The following CRYBG2 variants were observed in gnomAD, a reference collection of about 807,000 sequenced individuals.
CRYBG2 encodes crystallin beta-gamma domain containing 2, also known as beta/gamma crystallin domain-containing protein 2.
Under a neutral mutation model 153.4 loss-of-function variants are expected in CRYBG2, and 106 were observed. That is an observed-to-expected ratio of 0.69 (90% CI 0.59 to 0.81). The LOEUF (loss-of-function observed/expected upper bound fraction) is 0.81. Ranked by LOEUF, CRYBG2 falls within the 30% of genes least tolerant of loss-of-function variation. The probability of loss-of-function intolerance (pLI) is 0.00; values close to 1 mark genes in which losing one functional copy is unlikely to be tolerated. For synonymous variants in CRYBG2, 851 were observed against 877.8 expected (o/e 0.97, Z 0.54); for missense variants, 1,996 against 2,112.0 (o/e 0.95, Z 1.08).
rs1222066120 is a variant in CRYBG2 at position 26,336,630 on chromosome 1, G to A, written c.4014C>T (p.Leu1338=). The part of the protein sequence containing the change: ...CEDWGAGNST[L]ASLQPVLQVG... The stretch of plus-strand genomic sequence containing the variant: ...CCTGTAGGACCGGCTGCAGCGAGGC[G>A]AGGGTGCTGTTGCCAGCGCCCCAGT... The change falls in exon 12 of 20, where the codon CTC becomes CTT. Residue 1338 remains leucine, a synonymous_variant. Transcript: ENST00000308182. This position sits in a 1 kb window ranked among gnomAD's most constrained non-coding sequence, Gnocchi z 4.9. The A allele has an allele frequency of 6.5e-7, 1 of 1,550,072 alleles. No individual in the cohort carries two copies. The highest frequency in any genetic ancestry group is 8.7e-7 in the Non-Finnish European group (1 of 1,146,760).
Position 26,324,500 on chromosome 1 carries a change from TCTCTCA to T in CRYBG2, c.4579-196_4579-191del, listed in dbSNP as rs764497986. Among the ~76,000 whole-genome samples, 316 of 64,740 alleles carry T rather than the reference TCTCTCA, an allele frequency of 4.9e-3. 2 individuals are homozygous for T. The highest frequency in any genetic ancestry group is 2.3e-3 in the Non-Finnish European group (59 of 25,114). 42.5% of individuals were successfully genotyped at this position (64,740 alleles called of 152,430 possible). A position where few individuals can be genotyped will look rare whatever the true frequency, so the allele number is the denominator to read the frequency against. Reference sequence around the variant, plus strand: ...TACGGAGAGCACATGTATCTCTCTCTCTCTCACACACACACACACACACACACACAC... The same window carrying T: ...TACGGAGAGCACATGTATCTCTCTCTCACACACACACACACACACACACAC... On this transcript the variant is annotated intron_variant, in intron 17 of 19. Transcript: ENST00000308182.
intron 1 of CRYBG2, among the ~76,000 whole-genome samples, chr1:26,352,641 C>A (rs1162026699): frequency 6.6e-6 from 1 of 151,952 alleles, no homozygotes; most frequent in Non-Finnish European, 1.5e-5. Flanking sequence ...GTCACCTGCC[C>A]CCCACTCTAA....
chr1:26,326,736 C>T, intron 17 of CRYBG2: 2 of 401,788 alleles, frequency 5.0e-6, no homozygotes, highest in Non-Finnish European at 1.0e-5. Flanking sequence ...GGTACAGCCT[C>T]TAACAAAACT....
At chr1:26,327,504 C>G (rs970766000) in intron 17 of CRYBG2, among the ~76,000 whole-genome samples, 1 of 151,946 alleles carries the variant, frequency 6.6e-6, no homozygotes, top group Non-Finnish European at 1.5e-5. Flanking sequence ...CAAAAATTAG[C>G]CAGATGTGGT....
In CRYBG2 at chr1:26,350,820, G is replaced by A. The variant is rs1161529332; in HGVS notation, c.-56+3216C>T. 3.9e-5 allele frequency among the ~76,000 whole-genome samples: 6 copies of A among 152,026 alleles called. No homozygotes were observed. In the South Asian group the frequency reaches 1.2e-3, roughly 32 times the overall value. ...CGAGTCTTTGGGCCTTCTCCATGAG[G>A]TACCCTCCCCTCCCCAAGAGACCTG... On this transcript the variant is annotated intron_variant, in intron 1 of 19. Coordinates refer to ENST00000308182, the MANE Select transcript of CRYBG2 (RefSeq NM_001039775.4).
chr1:26,336,913 C>G lies in CRYBG2; in HGVS notation c.3839G>C (p.Ser1280Thr). 1 of 1,612,620 alleles carries G rather than the reference C, an allele frequency of 6.2e-7. No individual in the cohort carries two copies. Among genetic ancestry groups the G allele is most frequent in the Middle Eastern group, 1.7e-4 (1 of 6,044 alleles). Reference protein sequence around the residue: ...MDFEGHGVEVSKALPDVELVQ... With the variant: ...MDFEGHGVEVTKALPDVELVQ... ...CAGCTCCACATCCGGCAATGCCTTG[C>G]TCACCTCCACGCCGTGCCCCTCGAA... Residue 1280 changes from serine (S) to threonine (T), a missense_variant, in exon 11 of 20, where the codon AGC becomes ACC. By Grantham distance (58) the Ser-to-Thr change is moderately conservative (BLOSUM62 1). Transcript: ENST00000308182. This position sits in a 1 kb window ranked among gnomAD's most constrained non-coding sequence, Gnocchi z 4.9.
chr1:26,341,618 C>G (rs1280276495), intron 5 of CRYBG2, among the ~76,000 whole-genome samples: 1 of 151,954 alleles, frequency 6.6e-6, no homozygotes, highest in East Asian at 1.9e-4. Context: ...TCCTGAGTAG[C>G]TGGGATTATA....
At chr1:26,349,155 C>T (rs993797450) in intron 1 of CRYBG2, among the ~76,000 whole-genome samples, 2 of 151,876 alleles carry the variant, frequency 1.3e-5, no homozygotes, top group South Asian at 2.1e-4. Flanking sequence ...GGCAACAGAG[C>T]GAGACTCTGT....
At position 26,344,043 on chromosome 1, in the gene CRYBG2, G is replaced by T; in HGVS notation, c.2615C>A (p.Pro872His). The T allele has an allele frequency of 1.3e-6, 2 of 1,536,162 alleles. No homozygotes were observed. The highest frequency in any genetic ancestry group is 1.7e-6 in the Non-Finnish European group (2 of 1,146,900). ...PARPTQVSCS[P>H]LEMMKKHVAG... Reference sequence around the variant, plus strand: ...TACATGCTTCTTCATCATCTCCAGAGGAGAGCAGGAGACCTGGGTGGGTCT... The same window carrying T: ...TACATGCTTCTTCATCATCTCCAGATGAGAGCAGGAGACCTGGGTGGGTCT... The change falls in exon 2 of 20, where the codon CCT becomes CAT. Residue 872 changes from proline (P) to histidine (H), a missense_variant. Pro to His is a moderately conservative substitution (Grantham distance 77). Transcript: ENST00000308182.
Position 26,343,102 on chromosome 1 carries a change from T to C in CRYBG2, c.3019A>G (p.Ile1007Val). 1 of 1,550,402 alleles carries C rather than the reference T, an allele frequency of 6.4e-7. No individual in the cohort carries two copies. Residue 1007 changes from isoleucine to valine, a missense_variant, in exon 4 of 20, where the codon ATC becomes GTC. Physicochemically the swap from Ile to Val is conservative, Grantham distance 29. Transcript: ENST00000308182. This position sits in a 1 kb window ranked among gnomAD's most constrained non-coding sequence, Gnocchi z 4.1. Reference protein sequence around the residue: ...QGSGREVWGDIVDASGWAPVA... With the variant: ...QGSGREVWGDVVDASGWAPVA... The stretch of plus-strand genomic sequence containing the variant: ...GGGGCCCAGCCTGAGGCATCAACGA[T>C]GTCTCCCCAGACCTCCCTGCCACTG...
rs1345832797 is a variant in CRYBG2 at position 26,336,359 on chromosome 1, G to A, written c.4050C>T (p.His1350=). 6.2e-7 allele frequency: 1 copy of A among 1,613,492 alleles called. No individual in the cohort carries two copies. Among genetic ancestry groups the A allele is most frequent in the South Asian group, 1.1e-5 (1 of 90,886 alleles). ...TTACCTTTGAGACGAAGTGCAGATC[G>A]TGCTCCCCGACCTGAAGGTAGGGAC... ...SLQPVLQVGE[H]DLHFVSKIQL... The change falls in exon 13 of 20, where the codon CAC becomes CAT. Residue 1350 remains histidine, a synonymous_variant. Transcript: ENST00000308182. The surrounding 1 kb of genome is among the most constrained non-coding windows in gnomAD (Gnocchi z 4.9).
chr1:26,343,316 A>G lies in CRYBG2; in HGVS notation c.2914-23T>C. The G allele has an allele frequency of 6.5e-7, 1 of 1,550,174 alleles. No homozygotes were observed. Among genetic ancestry groups the G allele is most frequent in the East Asian group, 2.4e-5 (1 of 40,882 alleles). ...GCTCTGAAACGGAGGCAGGTGATAA[A>G]GAAGTCCTGTGGGGTCACCTCTTTT... On this transcript the variant is annotated intron_variant, in intron 2 of 19. Transcript: ENST00000308182. The surrounding 1 kb of genome is among the most constrained non-coding windows in gnomAD (Gnocchi z 4.1).
chr1:26,328,396 G>A (rs1254609532), intron 16 of CRYBG2, 64 bp from the exon 17 acceptor site: 2 of 1,536,988 alleles, frequency 1.3e-6, no homozygotes, highest in African/African-American at 2.7e-5. Context: ...CAGACAGGTG[G>A]AGGAGGAGAC....
Position 26,346,249 on chromosome 1 carries a change from C to A in CRYBG2, c.409G>T (p.Ala137Ser). ...ACCAAAAGCTCAGTCCTGGCCATAG[C>A]TCCCACACATGGGGGCTCAGTCCTG... ...APRTEPPCVGAMARTELLVPL... is the reference protein window; with the variant it reads ...APRTEPPCVGSMARTELLVPL... The change falls in exon 2 of 20, where the codon GCT (alanine) becomes TCT (serine). Residue 137 changes from alanine to serine, a missense_variant. Coordinates refer to ENST00000308182, the MANE Select transcript of CRYBG2 (RefSeq NM_001039775.4). This position sits in a 1 kb window ranked among gnomAD's most constrained non-coding sequence, Gnocchi z 4.9. The A allele has an allele frequency of 6.3e-7, 1 of 1,582,540 alleles. No homozygotes were observed.
At chr1:26,337,010 C>T (rs1440069237) in intron 10 of CRYBG2, 30 bp from the exon 11 acceptor site, 2 of 1,611,590 alleles carry the variant, frequency 1.2e-6, no homozygotes, top group Non-Finnish European at 8.5e-7. Flanking sequence ...CAGGTCTCTC[C>T]CGCCCACAAA....
Position 26,345,267 on chromosome 1 carries a change from A to C in CRYBG2, c.1391T>G (p.Val464Gly). Residue 464 changes from valine (V) to glycine (G), a missense_variant, in exon 2 of 20, where the codon GTG becomes GGG. Coordinates refer to ENST00000308182, the MANE Select transcript of CRYBG2 (RefSeq NM_001039775.4). ...PVLPFTQREV[V>G]KGPGAPAASS... Reference sequence around the variant, plus strand: ...GGCAGCAGGAGCACCGGGGCCCTTCACGACCTCCCTCTGGGTAAAGGGGAG... The same window carrying C: ...GGCAGCAGGAGCACCGGGGCCCTTCCCGACCTCCCTCTGGGTAAAGGGGAG... 1.9e-6 allele frequency: 3 copies of C among 1,612,792 alleles called. No homozygotes were observed. Among genetic ancestry groups the C allele is most frequent in the Non-Finnish European group, 2.5e-6 (3 of 1,179,648 alleles).
At position 26,324,292 on chromosome 1, in the gene CRYBG2, G is replaced by A; in HGVS notation, c.4597C>T (p.Leu1533Phe). The A allele has an allele frequency of 6.2e-7, 1 of 1,608,474 alleles. No individual in the cohort carries two copies. The highest frequency in any genetic ancestry group is 8.5e-7 in the Non-Finnish European group (1 of 1,179,220). ...PIKQRRVYFRLWNAALGGFLA... is the reference protein window; with the variant it reads ...PIKQRRVYFRFWNAALGGFLA... Reference sequence around the variant, plus strand: ...AATCCCCCCAGTGCTGCATTCCAGAGGCGGAAATAAACCCGGCGCTGGTGG... The same window carrying A: ...AATCCCCCCAGTGCTGCATTCCAGAAGCGGAAATAAACCCGGCGCTGGTGG... The change falls in exon 18 of 20, where the codon CTC (leucine) becomes TTC (phenylalanine). Residue 1533 changes from leucine to phenylalanine, a missense_variant. Coordinates refer to ENST00000308182, the MANE Select transcript of CRYBG2 (RefSeq NM_001039775.4).
chr1:26,327,809 T>C (rs2073949965), intron 17 of CRYBG2, among the ~76,000 whole-genome samples: 1 of 151,996 alleles, frequency 6.6e-6, no homozygotes, highest in Non-Finnish European at 1.5e-5. Flanking sequence ...TAGCTGAGCG[T>C]GGTAGCACGT....
chr1:26,334,320 A>AGGC (rs2074030108), intron 14 of CRYBG2, among the ~76,000 whole-genome samples: 1 of 152,028 alleles, frequency 6.6e-6, no homozygotes, highest in Non-Finnish European at 1.5e-5. Context: ...AGGTCTCAGG[A>AGGC]GGCTGAAGTA....
Sources: allele counts gnomAD v4.1 joint callset (sites outside exome capture counted in the v4.1 genomes callset), GRCh38; gene constraint gnomAD v4.1.1; non-coding constraint Gnocchi (gnomAD v3.1); transcripts MANE v1.5; gene names NCBI Gene and HGNC (gene_info 2026-07-23, HGNC 2026-07-21).